GNAL: variants seen among roughly 807,000 people sequenced by gnomAD.
GNAL encodes the protein G protein subunit alpha L.
Under a neutral mutation model 55.1 loss-of-function variants are expected in GNAL, and 18 were observed. The observed-to-expected ratio is 0.33, with a 90% CI of 0.23 to 0.48. The LOEUF is 0.48. Among genes scored for constraint, GNAL ranks in the 20% least tolerant of loss-of-function variants. The pLI, the probability that GNAL is intolerant of heterozygous loss-of-function variation, is 0.99. For missense variants in GNAL, 412 were observed against 614.1 expected (o/e 0.67, Z 3.48); for synonymous variants, 253 against 237.0 (o/e 1.07, Z -0.62).
intron 5 of GNAL, among the ~76,000 whole-genome samples, chr18:11,826,514 C>T (rs2035251389): frequency 6.6e-6 from 1 of 152,178 alleles, no homozygotes; most frequent in Non-Finnish European, 1.5e-5. Flanking sequence ...CTACAGCAAC[C>T]AGCCATCCCA....
chr18:11,699,316 T>TCCCAAGTA (rs1351198062), intron 1 of GNAL, among the ~76,000 whole-genome samples: 1 of 152,032 alleles, frequency 6.6e-6, no homozygotes, highest in Non-Finnish European at 1.5e-5. Flanking sequence ...TGCCTCAGCC[T>TCCCAAGTA]CCCAAGTAGC....
intron 5 of GNAL, among the ~76,000 whole-genome samples, chr18:11,842,780 T>A (rs2035647796): frequency 2.0e-5 from 3 of 152,182 alleles, no homozygotes; most frequent in Admixed American, 2.0e-4. Context: ...TGTGGCCTGG[T>A]TCACACAGCA....
At chr18:11,835,637 C>T (rs543518213) in intron 5 of GNAL, among the ~76,000 whole-genome samples, 1 of 152,058 alleles carries the variant, frequency 6.6e-6, no homozygotes, top group Non-Finnish European at 1.5e-5. Context: ...TGATCAGAAG[C>T]TTACAGAAAA....
At chr18:11,855,010 T>A (rs940569852) in intron 5 of GNAL, among the ~76,000 whole-genome samples, 1 of 151,882 alleles carries the variant, frequency 6.6e-6, no homozygotes, top group Admixed American at 6.6e-5. Flanking sequence ...TGCCTCCACC[T>A]CCCAGGTTCT....
intron 5 of GNAL, among the ~76,000 whole-genome samples, chr18:11,840,290 A>G (rs544531156): frequency 1.3e-5 from 2 of 152,390 alleles, no homozygotes; most frequent in South Asian, 4.1e-4. Context: ...TTATCCAGCT[A>G]CTGAGGCAGG....
chr18:11,744,619 C>A (rs1484628963), intron 1 of GNAL, among the ~76,000 whole-genome samples: 1 of 152,256 alleles, frequency 6.6e-6, no homozygotes, highest in Non-Finnish European at 1.5e-5. Flanking sequence ...ACAACTCCAG[C>A]ACCACCCAGT....
chr18:11,871,148 C>T (rs1264115032), intron 9 of GNAL, among the ~76,000 whole-genome samples: 3 of 151,634 alleles, frequency 2.0e-5, no homozygotes, highest in Non-Finnish European at 4.4e-5. Flanking sequence ...GTATGTTTTT[C>T]TATAAGATTT....
intron 5 of GNAL, among the ~76,000 whole-genome samples, chr18:11,861,963 T>TACACACACACACAC (rs56087854): frequency 0.11 from 15,619 of 147,936 alleles, 1,112 homozygotes; most frequent in Non-Finnish European, 0.15. Context: ...CACGCAGTCA[T>TACACACACACACAC]ACACACACAC....
chr18:11,866,656 A>G (rs1221820934), intron 7 of GNAL, among the ~76,000 whole-genome samples: 3 of 150,262 alleles, frequency 2.0e-5, no homozygotes, highest in Non-Finnish European at 4.4e-5. Context: ...GACCCAGTGC[A>G]GGTCACCAGG....
chr18:11,721,937 A>T (rs2032104463), intron 1 of GNAL, among the ~76,000 whole-genome samples: 1 of 149,758 alleles, frequency 6.7e-6, no homozygotes. Flanking sequence ...AATAAATAAT[A>T]AAATAGTCTC....
intron 4 of GNAL, among the ~76,000 whole-genome samples, chr18:11,755,559 G>A (rs867186959): frequency 3.0e-4 from 45 of 152,338 alleles, no homozygotes; most frequent in African/African-American, 1.0e-3. Context: ...ACAGGCATGA[G>A]CCACCGTGCC....
At chr18:11,761,494 A>G (rs2033242907) in intron 4 of GNAL, among the ~76,000 whole-genome samples, 1 of 151,912 alleles carries the variant, frequency 6.6e-6, no homozygotes, top group African/African-American at 2.4e-5. Context: ...CCTTATTTTC[A>G]GTTGGATTTT....
intron 4 of GNAL, among the ~76,000 whole-genome samples, chr18:11,823,649 G>A (rs143745646): frequency 6.6e-6 from 1 of 152,296 alleles, no homozygotes; most frequent in East Asian, 1.9e-4. Context: ...AAGAAAAAGT[G>A]CCAGTCCTTC....
intron 5 of GNAL, 52 bp downstream of exon 5, chr18:11,825,067 T>A: frequency 1.2e-6 from 1 of 824,182 alleles, no homozygotes. Flanking sequence ...TATGATTGCA[T>A]GCATGATTAT....
chr18:11,867,055 C>G (rs2143861552), intron 7 of GNAL, 113 bp from the exon 8 acceptor site: 1 of 808,182 alleles, frequency 1.2e-6, no homozygotes. Context: ...GAGCTTGACT[C>G]AAGACCCATG....
rs552720168 is a variant in GNAL at position 11,824,950 on chromosome 18, C to T, written c.657C>T (p.Asp219=). 40 of 1,603,000 alleles carry T rather than the reference C, an allele frequency of 2.5e-5. No individual in the cohort carries two copies. Among genetic ancestry groups the T allele is most frequent in the East Asian group, 4.5e-5 (2 of 44,776 alleles). ...TTGACCATGTGAAAAAACTTTGGGA[C>T]GATGAAGGCGTGAAGGCATGCTTTG... ...EFFDHVKKLW[D]DEGVKACFER... The change falls in exon 5 of 12, where the codon GAC becomes GAT. Residue 219 remains aspartate (D), a synonymous_variant. Coordinates refer to ENST00000334049, the MANE Select transcript of GNAL (RefSeq NM_182978.4).
chr18:11,758,715 G>T (rs919663275), intron 4 of GNAL, among the ~76,000 whole-genome samples: 1 of 152,174 alleles, frequency 6.6e-6, no homozygotes, highest in African/African-American at 2.4e-5. Flanking sequence ...CAAAGCTTCA[G>T]GTTATCTTTG....
intron 4 of GNAL, among the ~76,000 whole-genome samples, chr18:11,795,514 T>G (rs1188000716): frequency 1.3e-5 from 2 of 152,222 alleles, no homozygotes; most frequent in African/African-American, 4.8e-5. Context: ...AATATTGCAG[T>G]GTCACCAAAT....
At chr18:11,705,750 C>CTTT (rs749198189) in intron 1 of GNAL, among the ~76,000 whole-genome samples, 33 of 118,340 alleles carry the variant, frequency 2.8e-4, no homozygotes, top group East Asian at 4.9e-4. Context: ...ATTTCTATGT[C>CTTT]TTTTTTTTTT....
Sources: gnomAD v4.1 joint callset for allele counts (sites outside exome capture counted in the v4.1 genomes callset) on GRCh38, gnomAD v4.1.1 for gene constraint, MANE v1.5 for transcripts, NCBI Gene and HGNC (gene_info 2026-07-23, HGNC 2026-07-21) for gene names.